SS18L1: variants seen among roughly 807,000 people sequenced by gnomAD.
SS18L1 encodes calcium-responsive transactivator.
A neutral mutation model predicts 70.3 loss-of-function variants in SS18L1; 32 were observed. That is an observed-to-expected ratio of 0.46 (90% CI 0.34 to 0.61). The LOEUF (loss-of-function observed/expected upper bound fraction) is 0.61. Among genes scored for constraint, SS18L1 ranks in the 20% least tolerant of loss-of-function variants. The pLI, the probability that SS18L1 is intolerant of heterozygous loss-of-function variation, is 0.01. For missense variants in SS18L1, 430 were observed against 542.1 expected (o/e 0.79, Z 2.05); for synonymous variants, 237 against 229.7 (o/e 1.03, Z -0.29).
chr20:62,168,529 C>T (rs781682779), intron 8 of SS18L1, among the ~76,000 whole-genome samples: 9 of 151,930 alleles, frequency 5.9e-5, no homozygotes, highest in Admixed American at 4.6e-4. Context: ...CACCTGTGAT[C>T]CCAGCATCAG....
chr20:62,175,102 C>T (rs529903640), intron 10 of SS18L1, among the ~76,000 whole-genome samples: 5 of 152,338 alleles, frequency 3.3e-5, no homozygotes, highest in African/African-American at 7.2e-5. Context: ...CGCAGGCGAC[C>T]GCATTTGGCC....
At chr20:62,151,519 AGGG>A (rs974635485) in intron 1 of SS18L1, among the ~76,000 whole-genome samples, 16 of 152,300 alleles carry the variant, frequency 1.1e-4, no homozygotes, top group African/African-American at 3.9e-4. Flanking sequence ...CTGAGACCAC[AGGG>A]GTGACCACGC....
At chr20:62,173,742 G>T (rs1376268188) in intron 9 of SS18L1, among the ~76,000 whole-genome samples, 1 of 152,156 alleles carries the variant, frequency 6.6e-6, no homozygotes, top group Non-Finnish European at 1.5e-5. Flanking sequence ...GAGGCTCAGT[G>T]TGGTGGCTCA....
chr20:62,151,351 C>A (rs995096674), intron 1 of SS18L1, among the ~76,000 whole-genome samples: 1 of 152,214 alleles, frequency 6.6e-6, no homozygotes, highest in Non-Finnish European at 1.5e-5. Context: ...CCGTCAGTCC[C>A]CGCTTGCCAA....
rs181545707 is a variant in SS18L1 at position 62,180,638 on chromosome 20, G to A, written c.*1430G>A. 4.1e-4 allele frequency: 69 copies of A among 167,088 alleles called. No homozygotes were observed. The highest frequency in any genetic ancestry group is 1.6e-3 in the African/African-American group (67 of 42,020). 10.4% of individuals were successfully genotyped at this position (167,088 alleles called of 1,614,324 possible). On this transcript the variant is annotated 3_prime_UTR_variant, in exon 11 of 11. Transcript: ENST00000331758. ...ATTCTTGGCGTGGTGGTTCACGCCTGTAATCCCAGCACTTTGGGAGGCCGA... is the reference window on the plus strand; with the variant it reads ...ATTCTTGGCGTGGTGGTTCACGCCTATAATCCCAGCACTTTGGGAGGCCGA...
Position 62,158,094 on chromosome 20 carries a change from G to A in SS18L1, c.70-578G>A, listed in dbSNP as rs963002668. On this transcript the variant is annotated intron_variant, in intron 1 of 10. Coordinates refer to ENST00000331758, the MANE Select transcript of SS18L1 (RefSeq NM_198935.3). This position sits in a 1 kb window ranked among gnomAD's most constrained non-coding sequence, Gnocchi z 4.5. The stretch of plus-strand genomic sequence containing the variant: ...TTCGAGGCTATCCCCTCCAGCTAGG[G>A]GCACCAGGGCCTCTTGTGGGGTGCC... Among the ~76,000 whole-genome samples, 11 of 152,104 alleles carry A rather than the reference G, an allele frequency of 7.2e-5. No homozygotes were observed. The highest frequency in any genetic ancestry group is 2.0e-4 in the Admixed American group (3 of 15,270).
Position 62,179,213 on chromosome 20 carries a change from C to G in SS18L1, c.*5C>G, listed in dbSNP as rs759799143. 12 of 1,613,988 alleles carry G rather than the reference C, an allele frequency of 7.4e-6. No individual in the cohort carries two copies. Among genetic ancestry groups the G allele is most frequent in the Admixed American group, 1.7e-5 (1 of 60,004 alleles). On this transcript the variant is annotated 3_prime_UTR_variant, in exon 11 of 11. Coordinates refer to ENST00000331758, the MANE Select transcript of SS18L1 (RefSeq NM_198935.3). ...TATGGAAATTACCAGCAGTAAGGGA[C>G]ACACATTCTGGCTGGAGCCCTTGTG... is the stretch of plus-strand genomic sequence containing the variant.
At position 62,161,105 on chromosome 20, in the gene SS18L1, G is replaced by C. The variant is rs1173855418; in HGVS notation, c.232-331G>C. Among the ~76,000 whole-genome samples the C allele has an allele frequency of 6.6e-6, 1 of 151,728 alleles. No individual in the cohort carries two copies. Among genetic ancestry groups the C allele is most frequent in the Non-Finnish European group, 1.5e-5 (1 of 67,952 alleles). On this transcript the variant is annotated intron_variant, in intron 3 of 10. Transcript: ENST00000331758. The surrounding 1 kb of genome is among the most constrained non-coding windows in gnomAD (Gnocchi z 4.4). The stretch of plus-strand genomic sequence containing the variant: ...GGCGCTGGTCACCTGCGCCCGAGGG[G>C]GACGGGGTGCGTTCAGCCTGGTGGG...
chr20:62,182,366 G>C lies in SS18L1; in HGVS notation c.*3158G>C, dbSNP rs1332375177. On this transcript the variant is annotated 3_prime_UTR_variant, in exon 11 of 11. Transcript: ENST00000331758. ...ACAGGTCAAATTTGTCTTGTTATTTGTGAGTACAGTACATTTAAAAAACAT... is the reference window on the plus strand; with the variant it reads ...ACAGGTCAAATTTGTCTTGTTATTTCTGAGTACAGTACATTTAAAAAACAT... 9.7e-6 allele frequency: 2 copies of C among 206,304 alleles called. No individual in the cohort carries two copies. The highest frequency in any genetic ancestry group is 2.0e-5 in the Non-Finnish European group (2 of 101,284). The allele number at this position is 206,304 out of a possible 1,614,324, so 12.8% of individuals were successfully genotyped here.
rs779687138 is a variant in SS18L1 at position 62,159,548 on chromosome 20, C to G, written c.147-329C>G. ...CTGTCCCTCTGTCACCTTCGGGCCC[C>G]TGCCTCCTCGTGGCCTCCCCCCATC... On this transcript the variant is annotated intron_variant, in intron 2 of 10. Transcript: ENST00000331758. This position sits in a 1 kb window ranked among gnomAD's most constrained non-coding sequence, Gnocchi z 4.4. Among the ~76,000 whole-genome samples, 29 of 152,216 alleles carry G rather than the reference C, an allele frequency of 1.9e-4. No individual in the cohort carries two copies. The highest frequency in any genetic ancestry group is 3.5e-4 in the Non-Finnish European group (24 of 68,030).
At chr20:62,156,649 G>C (rs1211267070) in intron 1 of SS18L1, among the ~76,000 whole-genome samples, 1 of 152,248 alleles carries the variant, frequency 6.6e-6, no homozygotes, top group Non-Finnish European at 1.5e-5. Flanking sequence ...AGCTGGCCTG[G>C]CTTGGCTCTC....
chr20:62,179,537 AGG>A lies in SS18L1; in HGVS notation c.*331_*332del, dbSNP rs1360641571. 3 of 452,162 alleles carry A rather than the reference AGG, an allele frequency of 6.6e-6. No homozygotes were observed. The highest frequency in any genetic ancestry group is 1.2e-5 in the Non-Finnish European group (3 of 245,510). The allele number at this position is 452,162 out of a possible 1,614,324, so 28.0% of individuals were successfully genotyped here. A position where few individuals can be genotyped will look rare whatever the true frequency, so the allele number is the denominator to read the frequency against. On this transcript the variant is annotated 3_prime_UTR_variant, in exon 11 of 11. Transcript: ENST00000331758. ...TTTGTCATCAGAGCATTCTGTGCCC[AGG>A]GACAGGACAGATCTCGAGGACACCA...
rs6089672 is a variant in SS18L1, at chr20:62,159,247, C to T, written c.146+499C>T. Among the ~76,000 whole-genome samples the T allele has an allele frequency of 6.6e-6, 1 of 152,158 alleles. No homozygotes were observed. The highest frequency in any genetic ancestry group is 1.5e-5 in the Non-Finnish European group (1 of 68,012). ...TGGGACCTCCTGTGACCCTGTGAAC[C>T]TAGGGCCTGATGCGTAGGAGGGGTG... On this transcript the variant is annotated intron_variant, in intron 2 of 10. Transcript: ENST00000331758. The surrounding 1 kb of genome is among the most constrained non-coding windows in gnomAD (Gnocchi z 4.4).
chr20:62,178,227 A>G (rs1350333551), intron 10 of SS18L1, among the ~76,000 whole-genome samples: 2 of 141,784 alleles, frequency 1.4e-5, no homozygotes, highest in African/African-American at 5.4e-5. Flanking sequence ...GTTCACTGCA[A>G]CCTCCACCTC....
intron 8 of SS18L1, among the ~76,000 whole-genome samples, chr20:62,168,143 T>G (rs1004197830): frequency 1.3e-5 from 2 of 152,052 alleles, no homozygotes; most frequent in South Asian, 2.1e-4. Context: ...TTCCGTAGCT[T>G]GTTGTGGGTT....
Position 62,174,920 on chromosome 20 carries a change from G to A in SS18L1, c.1164+276G>A, listed in dbSNP as rs930166443. The A allele has an allele frequency of 5.9e-5, 58 of 985,030 alleles. No homozygotes were observed. The highest frequency in any genetic ancestry group is 6.6e-5 in the Non-Finnish European group (55 of 829,658). The allele number at this position is 985,030 out of a possible 1,614,324, so 61.0% of individuals were successfully genotyped here. ...CATTCACTCTGCCAGTGTTTGTCACGTACTGGGTACGCGTCCGGTCTCTGC... is the reference window on the plus strand; with the variant it reads ...CATTCACTCTGCCAGTGTTTGTCACATACTGGGTACGCGTCCGGTCTCTGC... On this transcript the variant is annotated intron_variant, in intron 10 of 10. Coordinates refer to ENST00000331758, the MANE Select transcript of SS18L1 (RefSeq NM_198935.3). The surrounding 1 kb of genome is among the most constrained non-coding windows in gnomAD (Gnocchi z 4.1).
chr20:62,173,029 T>C (rs906024896), intron 9 of SS18L1, among the ~76,000 whole-genome samples: 9 of 152,244 alleles, frequency 5.9e-5, no homozygotes, highest in African/African-American at 1.7e-4. Context: ...AATAAACTTA[T>C]TTTGAATACC....
At chr20:62,175,494 A>C in intron 10 of SS18L1, 1 of 974,918 alleles carries the variant, frequency 1.0e-6, no homozygotes, top group Non-Finnish European at 1.2e-6. Context: ...GGTTTGTCCC[A>C]GTGAAGGCAG....
Position 62,172,678 on chromosome 20 carries a change from C to G in SS18L1, c.917-4C>G, listed in dbSNP as rs763540866. On this transcript the variant is annotated splice_region_variant and splice_polypyrimidine_tract_variant and intron_variant, in intron 8 of 10. Coordinates refer to ENST00000331758, the MANE Select transcript of SS18L1 (RefSeq NM_198935.3). ...GTCATTTCTGTGTCTCCTCCTCCCT[C>G]CAGGAAACTCCCAGTACAGCCAGCA... 6.2e-7 allele frequency: 1 copy of G among 1,614,192 alleles called. No homozygotes were observed. Among genetic ancestry groups the G allele is most frequent in the Non-Finnish European group, 8.5e-7 (1 of 1,180,036 alleles).
Sources: gnomAD v4.1 joint callset for allele counts (sites outside exome capture counted in the v4.1 genomes callset) on GRCh38, gnomAD v4.1.1 for gene constraint, Gnocchi (gnomAD v3.1) non-coding constraint, MANE v1.5 for transcripts, NCBI Gene and HGNC (gene_info 2026-07-23, HGNC 2026-07-21) for gene names.